Variants in MAPDA observed in about 807,000 individuals in gnomAD.
MAPDA encodes the protein N6-Methyl-AMP deaminase.
the MAPDA span, among the ~76,000 whole-genome samples, chr15:43,345,108 A>C: frequency 6.2e-4 from 94 of 152,104 alleles, no homozygotes; most frequent in Non-Finnish European, 1.2e-3. Flanking sequence ...TAATCCCAGC[A>C]CTTTGGGAGG....
the MAPDA span, among the ~76,000 whole-genome samples, chr15:43,344,549 C>CT: frequency 6.6e-6 from 1 of 152,112 alleles, no homozygotes; most frequent in Non-Finnish European, 1.5e-5. Context: ...TGGCTCATGC[C>CT]TGTAATCCCA....
the MAPDA span, chr15:43,334,966 C>A: frequency 1.5e-6 from 1 of 656,240 alleles, no homozygotes; most frequent in South Asian, 2.1e-5. Flanking sequence ...CCCAGATCTA[C>A]ACATACAGCT....
chr15:43,349,096 A>G, the MAPDA span: 15 of 1,612,158 alleles, frequency 9.3e-6, no homozygotes, highest in Middle Eastern at 1.6e-4. Context: ...CTCTCCCCCA[A>G]TCCCCAGGTT....
the MAPDA span, chr15:43,351,415 A>T: frequency 3.0e-6 from 1 of 331,052 alleles, no homozygotes; most frequent in Non-Finnish European, 5.5e-6. Context: ...AAGGTACTTG[A>T]GAGGACTTAA....
chr15:43,330,622 T>G, the MAPDA span: 1 of 1,078,262 alleles, frequency 9.3e-7, no homozygotes, highest in Non-Finnish European at 1.3e-6. Flanking sequence ...CCGGCACTTG[T>G]GCGTCACTTC....
the MAPDA span, chr15:43,354,392 C>T: frequency 6.6e-6 from 1 of 152,046 alleles, no homozygotes; most frequent in Non-Finnish European, 1.5e-5. Context: ...GTAAAAACAT[C>T]AAAGTTTATT....
chr15:43,342,388 G>T, the MAPDA span, among the ~76,000 whole-genome samples: 1 of 150,508 alleles, frequency 6.6e-6, no homozygotes, highest in Non-Finnish European at 1.5e-5. Flanking sequence ...GGATTGAGGG[G>T]AAAGGAATCC....
the MAPDA span, among the ~76,000 whole-genome samples, chr15:43,344,698 A>G: frequency 2.6e-3 from 390 of 151,888 alleles, 5 homozygotes; most frequent in African/African-American, 8.9e-3. Context: ...AATCTCAGCT[A>G]CTCAGAAGGC....
chr15:43,348,108 A>C, the MAPDA span, among the ~76,000 whole-genome samples: 50 of 152,330 alleles, frequency 3.3e-4, no homozygotes, highest in African/African-American at 1.2e-3. Context: ...AGTCCATTGG[A>C]TATAAAAGAT....
the MAPDA span, chr15:43,335,863 T>G: frequency 3.8e-6 from 6 of 1,587,318 alleles, no homozygotes; most frequent in Non-Finnish European, 5.1e-6. Context: ...CTCCTTTTTT[T>G]CTCTATCAGT....
the MAPDA span, chr15:43,351,375 C>T: frequency 3.1e-6 from 1 of 325,420 alleles, no homozygotes; most frequent in Non-Finnish European, 5.6e-6. Flanking sequence ...TACAGAGGGC[C>T]AGGGTGACTC....
chr15:43,348,853 C>T, the MAPDA span: 66 of 1,562,736 alleles, frequency 4.2e-5, no homozygotes, highest in Admixed American at 5.7e-5. Flanking sequence ...GAAAAAAATA[C>T]TCTTAAGAAC....
At chr15:43,354,100 A>G in the MAPDA span, 1 of 152,160 alleles carries the variant, frequency 6.6e-6, no homozygotes, top group African/African-American at 2.4e-5. Context: ...AGCATGGGAA[A>G]CTGGAGGACA....
the MAPDA span, chr15:43,346,021 A>G: frequency 1.2e-6 from 2 of 1,611,308 alleles, no homozygotes; most frequent in South Asian, 2.2e-5. Flanking sequence ...TCTAAAAGGT[A>G]GAATCAGTGG....
chr15:43,330,422 C>T, the MAPDA span: 2 of 1,562,570 alleles, frequency 1.3e-6, no homozygotes, highest in Non-Finnish European at 1.7e-6. Context: ...GGAACGCTTG[C>T]TGAGGGCGCT....
the MAPDA span, chr15:43,349,349 C>A: frequency 9.6e-7 from 1 of 1,042,792 alleles, no homozygotes; most frequent in Non-Finnish European, 1.2e-6. Context: ...ATGACTTTAA[C>A]AAAATTGACA....
At chr15:43,335,104 TA>T in the MAPDA span, 1 of 1,613,634 alleles carries the variant, frequency 6.2e-7, no homozygotes, top group Non-Finnish European at 8.5e-7. Context: ...TTTTTCCTGC[TA>T]AAATGATAGA....
chr15:43,352,781 A>G, the MAPDA span: 2 of 152,208 alleles, frequency 1.3e-5, no homozygotes, highest in Non-Finnish European at 2.9e-5. Flanking sequence ...ATTTATGTGA[A>G]TGCCTAGGGA....
At chr15:43,341,073 G>A in the MAPDA span, among the ~76,000 whole-genome samples, 1 of 152,182 alleles carries the variant, frequency 6.6e-6, no homozygotes. Flanking sequence ...AATTTCCTGA[G>A]ATCCTCCTTC....
Sources: allele counts gnomAD v4.1 joint callset (sites outside exome capture counted in the v4.1 genomes callset), GRCh38; gene constraint gnomAD v4.1.1; transcripts MANE v1.5; gene names NCBI Gene and HGNC (gene_info 2026-07-23, HGNC 2026-07-21).